Variants in UBXN11 observed in about 807,000 individuals in gnomAD.
UBXN11 encodes the protein UBX domain-containing protein 11.
UBXN11 carries 47 observed loss-of-function variants against 62.8 expected under a neutral mutation model. The ratio of observed to expected loss-of-function variants is 0.75; its 90% CI spans 0.59 to 0.95. The LOEUF (loss-of-function observed/expected upper bound fraction) is 0.95. Ranked by LOEUF, UBXN11 falls within the 40% of genes least tolerant of loss-of-function variation. The probability of loss-of-function intolerance (pLI) is 0.00; values close to 1 mark genes in which losing one functional copy is unlikely to be tolerated. For synonymous variants in UBXN11, 294 were observed against 267.0 expected, an observed-to-expected ratio of 1.10 and a Z score of -0.99; for missense variants, 638 against 661.7, an observed-to-expected ratio of 0.96 and a Z score of 0.39.
chr1:26,295,748 T>C (rs1400494858), intron 7 of UBXN11, among the ~76,000 whole-genome samples: 1 of 152,210 alleles, frequency 6.6e-6, no homozygotes, highest in South Asian at 2.1e-4. Context: ...TCTCTGTACT[T>C]GTGTACCTGT....
chr1:26,315,660 T>G (rs1388197148), intron 1 of UBXN11, among the ~76,000 whole-genome samples: 1 of 152,198 alleles, frequency 6.6e-6, no homozygotes, highest in Non-Finnish European at 1.5e-5. Flanking sequence ...TCTTCTTTTC[T>G]TCTCTTCTCT....
rs201809760 is a variant in UBXN11 at position 26,294,342 on chromosome 1, G to C, written c.433-11C>G. Reference sequence around the variant, plus strand: ...GTCACTGAGGAACCGCTGTGGGAAAGAAGGGGGAGATGCGGGGCACCGTCA... The same window carrying C: ...GTCACTGAGGAACCGCTGTGGGAAACAAGGGGGAGATGCGGGGCACCGTCA... On this transcript the variant is annotated splice_polypyrimidine_tract_variant and intron_variant, in intron 7 of 14. Coordinates refer to ENST00000374222, the MANE Select transcript of UBXN11 (RefSeq NM_001389556.1). 1.1e-5 allele frequency: 17 copies of C among 1,512,110 alleles called. No individual in the cohort carries two copies. The highest frequency in any genetic ancestry group is 1.5e-5 in the Non-Finnish European group (17 of 1,130,946). 93.7% of individuals were successfully genotyped at this position (1,512,110 alleles called of 1,614,324 possible).
At chr1:26,284,887 G>T in intron 10 of UBXN11, 1 of 1,009,316 alleles carries the variant, frequency 9.9e-7, no homozygotes, top group Non-Finnish European at 1.2e-6. Flanking sequence ...GCTGTGGCAC[G>T]AATGCCTTAA....
At chr1:26,292,433 C>A (rs1181166508) in intron 8 of UBXN11, among the ~76,000 whole-genome samples, 1 of 152,178 alleles carries the variant, frequency 6.6e-6, no homozygotes, top group Non-Finnish European at 1.5e-5. Flanking sequence ...GTGGGAGGAT[C>A]ACTTCAGCCC....
rs569018795 is a variant in UBXN11, at chr1:26,282,622, G to A, written c.1292+27C>T. On this transcript the variant is annotated intron_variant, in intron 14 of 14. Transcript: ENST00000374222. Reference sequence around the variant, plus strand: ...TGGGCAGTGGGACCAGAGCCCCTCTGTGGCCCTGGCCCTGCCCTGCACCCA... The same window carrying A: ...TGGGCAGTGGGACCAGAGCCCCTCTATGGCCCTGGCCCTGCCCTGCACCCA... 3.7e-6 allele frequency: 6 copies of A among 1,613,428 alleles called. No individual in the cohort carries two copies. The East Asian group carries it at 1.1e-4, about 30-fold the overall frequency.
Position 26,294,345 on chromosome 1 carries a change from G to T in UBXN11, c.433-14C>A, listed in dbSNP as rs747885772. The T allele has an allele frequency of 4.7e-6, 7 of 1,498,696 alleles. No individual in the cohort carries two copies. Among genetic ancestry groups the T allele is most frequent in the Non-Finnish European group, 6.2e-6 (7 of 1,122,890 alleles). The allele number at this position is 1,498,696 out of a possible 1,614,324, so 92.8% of individuals were successfully genotyped here. ...ACTGAGGAACCGCTGTGGGAAAGAA[G>T]GGGGAGATGCGGGGCACCGTCAGCT... On this transcript the variant is annotated splice_polypyrimidine_tract_variant and intron_variant, in intron 7 of 14. Coordinates refer to ENST00000374222, the MANE Select transcript of UBXN11 (RefSeq NM_001389556.1).
At chr1:26,297,861 CG>C in intron 5 of UBXN11, 100 bp downstream of exon 5, 1 of 1,294,366 alleles carries the variant, frequency 7.7e-7, no homozygotes, top group East Asian at 2.5e-5. Flanking sequence ...GTGTGGTAGA[CG>C]GTTCTAGAAT....
In UBXN11 at chr1:26,282,719, G is replaced by C; in HGVS notation, c.1222C>G (p.Gln408Glu). 3.1e-6 allele frequency: 5 copies of C among 1,614,190 alleles called. No individual in the cohort carries two copies. Among genetic ancestry groups the C allele is most frequent in the Non-Finnish European group, 4.2e-6 (5 of 1,180,032 alleles). The change falls in exon 14 of 15, where the codon CAG becomes GAG. Residue 408 changes from glutamine to glutamate, a missense_variant. Gln to Glu is a conservative substitution (Grantham distance 29). Coordinates refer to ENST00000374222, the MANE Select transcript of UBXN11 (RefSeq NM_001389556.1). ...GGCTGCATCATCAGTAGGAAGGCCT[G>C]TTCCCCATTCTCAGACTTGATGCGC... Reference protein sequence around the residue: ...MLRIKSENGEQAFLLMMQPDN... With the variant: ...MLRIKSENGEEAFLLMMQPDN...
intron 3 of UBXN11, 143 bp from the exon 4 acceptor site, chr1:26,301,167 A>C: frequency 6.7e-7 from 1 of 1,485,980 alleles, no homozygotes; most frequent in South Asian, 1.3e-5. Flanking sequence ...CTGGGGAGCA[A>C]GGATCCAACC....
Position 26,284,199 on chromosome 1 carries a change from A to G in UBXN11, c.1020T>C (p.Phe340=). Residue 340 remains phenylalanine (F), a synonymous_variant, in exon 12 of 15, where the codon TTT becomes TTC. Transcript: ENST00000374222. ...AEKFLNRLPK[F]VIRQGEVIDI... is the part of the protein sequence containing the mutation. The stretch of plus-strand genomic sequence containing the variant: ...CAATCACCTCGCCTTGCCGGATCAC[A>G]AACTTGGGGAGCCTGTTCAGAAATT... The G allele has an allele frequency of 6.2e-7, 1 of 1,613,126 alleles. No individual in the cohort carries two copies. The highest frequency in any genetic ancestry group is 1.7e-4 in the Middle Eastern group (1 of 6,056).
chr1:26,306,718 AG>A (rs1406193199), upstream of UBXN11: 1 of 150,982 alleles, frequency 6.6e-6, no homozygotes, highest in Admixed American at 6.7e-5. Context: ...CAGACAGCGA[AG>A]GTGGATACAG....
Position 26,297,449 on chromosome 1 carries a change from C to G in UBXN11, c.333G>C (p.Val111=). The G allele has an allele frequency of 6.4e-7, 1 of 1,555,642 alleles. No homozygotes were observed. The highest frequency in any genetic ancestry group is 1.2e-5 in the South Asian group (1 of 84,380). Residue 111 remains valine, a synonymous_variant, in exon 6 of 15, where the codon GTG becomes GTC. Coordinates refer to ENST00000374222, the MANE Select transcript of UBXN11 (RefSeq NM_001389556.1). ...TACCTGGGTGTGGCCGGAGGGTCTG[C>G]ACCAGGTCCTCTAGGGCCGCTATCT... The part of the protein sequence containing the change: ...DQKIAALEDL[V]QTLRPHPAEA...
chr1:26,285,813 C>T lies in UBXN11; in HGVS notation c.774+10G>A. The T allele has an allele frequency of 6.3e-7, 1 of 1,586,778 alleles. No individual in the cohort carries two copies. The highest frequency in any genetic ancestry group is 8.6e-7 in the Non-Finnish European group (1 of 1,159,302). ...CACTAGAGCACCACCCCCCCCAACACCGCTCCTACCTGTGTGGAGGGATCG... is the reference window on the plus strand; with the variant it reads ...CACTAGAGCACCACCCCCCCCAACATCGCTCCTACCTGTGTGGAGGGATCG... On this transcript the variant is annotated intron_variant, in intron 9 of 14. Coordinates refer to ENST00000374222, the MANE Select transcript of UBXN11 (RefSeq NM_001389556.1).
intron 8 of UBXN11, 140 bp downstream of exon 8, chr1:26,294,065 G>T: frequency 7.5e-7 from 1 of 1,325,332 alleles, no homozygotes; most frequent in Non-Finnish European, 1.0e-6. Flanking sequence ...ATTGTCTCAG[G>T]GGCAAGTTGT....
rs1246565033 is a variant in UBXN11, at chr1:26,285,452, G to A, written c.852+12C>T. On this transcript the variant is annotated intron_variant, in intron 10 of 14. Transcript: ENST00000374222. The stretch of plus-strand genomic sequence containing the variant: ...AATCCCCAAAGGTGTGGTTTGAGGA[G>A]CAGCTTATCACCTTAAAGGGGACCC... 7 of 1,610,778 alleles carry A rather than the reference G, an allele frequency of 4.3e-6. No homozygotes were observed. Among genetic ancestry groups the A allele is most frequent in the Non-Finnish European group, 5.1e-6 (6 of 1,178,788 alleles).
At position 26,301,718 on chromosome 1, in the gene UBXN11, G is replaced by T. The variant is rs1291203700; in HGVS notation, c.76C>A (p.Arg26=). 2.5e-6 allele frequency: 4 copies of T among 1,613,984 alleles called. No homozygotes were observed. The East Asian group carries it at 6.7e-5, about 27-fold the overall frequency. ...CCATCTCCATAGATGCGGATTCCTC[G>T]CCTCCTGGGAACCCAGGCAGGAAGA... ...LPSEPMNPGR[R]GIRIYGDEDE... is the part of the protein sequence containing the mutation. The change falls in exon 3 of 15, where the codon CGA becomes AGA. Residue 26 remains arginine, a synonymous_variant. Coordinates refer to ENST00000374222, the MANE Select transcript of UBXN11 (RefSeq NM_001389556.1).
In UBXN11 at chr1:26,285,525, A is replaced by G. The variant is rs770318233; in HGVS notation, c.791T>C (p.Ile264Thr). 3 of 1,594,964 alleles carry G rather than the reference A, an allele frequency of 1.9e-6. No individual in the cohort carries two copies. Among genetic ancestry groups the G allele is most frequent in the Middle Eastern group, 1.7e-4 (1 of 5,778 alleles). The stretch of plus-strand genomic sequence containing the variant: ...CTCTGAGGGAAAGAAGCCATCCAAT[A>G]TGTCTCGGAGGCAGCGCTGCAAGGG... ...DPSTQRCLRD[I>T]LDGFFPSELQ... is the part of the protein sequence containing the mutation. The change falls in exon 10 of 15, where the codon ATA (isoleucine) becomes ACA (threonine). Residue 264 changes from isoleucine (I) to threonine (T), a missense_variant. Ile to Thr is a moderately conservative substitution (Grantham distance 89). Coordinates refer to ENST00000374222, the MANE Select transcript of UBXN11 (RefSeq NM_001389556.1).
chr1:26,303,169 T>C, intron 1 of UBXN11: 1 of 316,598 alleles, frequency 3.2e-6, no homozygotes, highest in Admixed American at 4.7e-5. Flanking sequence ...GGGAAAGTAC[T>C]GTGAGGGTGG....
rs56003085 is a variant in UBXN11, at chr1:26,302,362, T to TAAAAAAA, written c.71+444_71+450dup. Among the ~76,000 whole-genome samples the TAAAAAAA allele has an allele frequency of 2.7e-4, 19 of 69,560 alleles. 1 individual carries two copies. Among genetic ancestry groups the TAAAAAAA allele is most frequent in the Admixed American group, 6.5e-4 (3 of 4,626 alleles). The allele number at this position is 69,560 out of a possible 152,430, so 45.6% of individuals were successfully genotyped here. On this transcript the variant is annotated intron_variant, in intron 2 of 14. Coordinates refer to ENST00000374222, the MANE Select transcript of UBXN11 (RefSeq NM_001389556.1). The stretch of plus-strand genomic sequence containing the variant: ...GGGCGACAGAGCGAGACTTGGTCTT[T>TAAAAAAA]AAAAAAAAAAAAAAAAAAAAAAAAA...
Sources: allele counts gnomAD v4.1 joint callset (sites outside exome capture counted in the v4.1 genomes callset), GRCh38; gene constraint gnomAD v4.1.1; transcripts MANE v1.5; gene names NCBI Gene and HGNC (gene_info 2026-07-23, HGNC 2026-07-21).